Variants in FAM171B observed in about 807,000 individuals in gnomAD.
The protein encoded by FAM171B is protein FAM171B.
In FAM171B, 19 loss-of-function variants were observed where a neutral mutation model predicts 75.6. The observed-to-expected ratio is 0.25, with a 90% CI of 0.18 to 0.37. The LOEUF (loss-of-function observed/expected upper bound fraction) is 0.37. Ranked by LOEUF, FAM171B falls within the 10% of genes least tolerant of loss-of-function variation. The probability of loss-of-function intolerance (pLI) is 1.00; values close to 1 mark genes in which losing one functional copy is unlikely to be tolerated. For synonymous variants in FAM171B, 367 were observed against 361.7 expected (o/e 1.01, Z -0.17); for missense variants, 848 against 982.4 (o/e 0.86, Z 1.83).
intron 1 of FAM171B, among the ~76,000 whole-genome samples, chr2:186,725,213 A>G (rs2682865): frequency 0.13 from 20,316 of 151,890 alleles, 1,482 homozygotes; most frequent in Non-Finnish European, 0.16. Context: ...GCGTGGTGGC[A>G]GGCACCTGTA....
chr2:186,702,268 T>G (rs1341147976), intron 1 of FAM171B, among the ~76,000 whole-genome samples: 2 of 152,212 alleles, frequency 1.3e-5, no homozygotes, highest in Non-Finnish European at 2.9e-5. Context: ...GTGACTATAC[T>G]GAATACTGTA....
At chr2:186,734,304 G>A (rs1029496979) in intron 1 of FAM171B, among the ~76,000 whole-genome samples, 1 of 151,790 alleles carries the variant, frequency 6.6e-6, no homozygotes, top group Non-Finnish European at 1.5e-5. Context: ...CAGCAGAGAG[G>A]AGACCCAGAG....
intron 1 of FAM171B, among the ~76,000 whole-genome samples, chr2:186,729,186 T>C (rs1690076969): frequency 6.6e-6 from 1 of 152,162 alleles, no homozygotes; most frequent in Non-Finnish European, 1.5e-5. Context: ...TTTCTCAACA[T>C]TTAGATTATA....
At chr2:186,720,418 G>A (rs948172815) in intron 1 of FAM171B, among the ~76,000 whole-genome samples, 1 of 152,048 alleles carries the variant, frequency 6.6e-6, no homozygotes, top group Non-Finnish European at 1.5e-5. Context: ...CATACATTTT[G>A]GTGAGTCACA....
At chr2:186,754,240 A>G (rs1690497825) in intron 6 of FAM171B, among the ~76,000 whole-genome samples, 191 bp downstream of exon 6, 1 of 152,070 alleles carries the variant, frequency 6.6e-6, no homozygotes, top group Admixed American at 6.6e-5. Flanking sequence ...AAGGTCTCTT[A>G]TAGTTATATC....
At chr2:186,702,723 T>G (rs909676123) in intron 1 of FAM171B, among the ~76,000 whole-genome samples, 1 of 152,150 alleles carries the variant, frequency 6.6e-6, no homozygotes, top group African/African-American at 2.4e-5. Flanking sequence ...ATTATTAATG[T>G]GTCAAATATG....
chr2:186,755,278 A>G (rs1690517050), intron 6 of FAM171B, among the ~76,000 whole-genome samples: 1 of 152,080 alleles, frequency 6.6e-6, no homozygotes, highest in African/African-American at 2.4e-5. Context: ...GGCTTTCCCT[A>G]CCACCAGCCT....
chr2:186,745,923 T>C (rs1199175594), intron 3 of FAM171B, among the ~76,000 whole-genome samples: 1 of 152,216 alleles, frequency 6.6e-6, no homozygotes, highest in African/African-American at 2.4e-5. Context: ...TTCTTAACTG[T>C]TTTCCAGGTA....
chr2:186,743,618 G>A (rs542293336), intron 3 of FAM171B, 43 bp downstream of exon 3: 8 of 1,252,118 alleles, frequency 6.4e-6, no homozygotes, highest in Non-Finnish European at 9.3e-6. Context: ...TAAAGTTATT[G>A]TCGTATAACT....
intron 1 of FAM171B, among the ~76,000 whole-genome samples, chr2:186,721,476 CTA>C (rs952270282): frequency 2.0e-5 from 3 of 151,926 alleles, no homozygotes; most frequent in Admixed American, 6.5e-5. Context: ...ATTTAGAATA[CTA>C]AATGTTTTTT....
chr2:186,712,220 CTT>C (rs977979976), intron 1 of FAM171B, among the ~76,000 whole-genome samples: 8 of 151,876 alleles, frequency 5.3e-5, no homozygotes, highest in African/African-American at 1.9e-4. Context: ...TTATTATCTT[CTT>C]TTTTTTGCTA....
intron 1 of FAM171B, among the ~76,000 whole-genome samples, chr2:186,699,124 T>C (rs1033201612): frequency 5.3e-5 from 8 of 152,184 alleles, no homozygotes. Flanking sequence ...ACTGATTTAC[T>C]TTCTTTTGGG....
intron 1 of FAM171B, 36 bp downstream of exon 1, chr2:186,694,447 C>T: frequency 1.9e-6 from 3 of 1,590,338 alleles, no homozygotes; most frequent in African/African-American, 2.7e-5. Flanking sequence ...CTTTCAGTCT[C>T]GGCCGGCGAT....
At chr2:186,715,390 A>G (rs1689861513) in intron 1 of FAM171B, among the ~76,000 whole-genome samples, 1 of 152,074 alleles carries the variant, frequency 6.6e-6, no homozygotes, top group African/African-American at 2.4e-5. Flanking sequence ...TTTTGTAGAG[A>G]CAGGGACTCA....
intron 1 of FAM171B, among the ~76,000 whole-genome samples, chr2:186,724,170 G>A (rs1424497054): frequency 6.6e-6 from 1 of 152,164 alleles, no homozygotes; most frequent in South Asian, 2.1e-4. Flanking sequence ...AGCTATGATT[G>A]TCCTTGGCCG....
At chr2:186,749,080 A>G (rs1690413424) in intron 4 of FAM171B, among the ~76,000 whole-genome samples, 1 of 152,194 alleles carries the variant, frequency 6.6e-6, no homozygotes, top group African/African-American at 2.4e-5. Context: ...CCAAATGGAA[A>G]TATTCTTCTC....
chr2:186,725,343 C>A (rs80103968), intron 1 of FAM171B, among the ~76,000 whole-genome samples: 369 of 126,658 alleles, frequency 2.9e-3, no homozygotes, highest in Admixed American at 2.9e-3. Flanking sequence ...GACTCTGTCT[C>A]AAAAAAAAAA....
chr2:186,706,042 T>C (rs1689729375), intron 1 of FAM171B, among the ~76,000 whole-genome samples: 2 of 152,196 alleles, frequency 1.3e-5, no homozygotes, highest in African/African-American at 4.8e-5. Context: ...CACTGAAAGA[T>C]AGTCACTGAG....
At chr2:186,696,298 T>C (rs558489619) in intron 1 of FAM171B, among the ~76,000 whole-genome samples, 15 of 151,988 alleles carry the variant, frequency 9.9e-5, no homozygotes, top group African/African-American at 3.6e-4. Flanking sequence ...ATTGCTGTTT[T>C]AGTTATTGGA....
Sources: allele counts gnomAD v4.1 joint callset (sites outside exome capture counted in the v4.1 genomes callset), GRCh38; gene constraint gnomAD v4.1.1; transcripts MANE v1.5; gene names NCBI Gene and HGNC (gene_info 2026-07-23, HGNC 2026-07-21).